Variants in DMPK observed in about 807,000 individuals in gnomAD.
DMPK encodes DM1 protein kinase.
A neutral mutation model predicts 70.3 loss-of-function variants in DMPK; 32 were observed. The observed-to-expected ratio is 0.46, with a 90% CI of 0.34 to 0.61. The LOEUF is 0.61. DMPK is among the 20% of genes least tolerant of loss of function. The pLI, the probability that DMPK is intolerant of heterozygous loss-of-function variation, is 0.01. For missense variants in DMPK, 899 were observed against 886.0 expected (o/e 1.01, Z -0.19); for synonymous variants, 469 against 390.9 (o/e 1.20, Z -2.36).
intron 1 of DMPK, chr19:45,780,185 G>C: frequency 1.4e-6 from 2 of 1,448,818 alleles, no homozygotes; most frequent in Non-Finnish European, 1.8e-6. Flanking sequence ...AGAACAAGGG[G>C]AGAAGGAAAT....
At chr19:45,772,016 T>G in intron 10 of DMPK, 88 bp from the exon 11 acceptor site, 2 of 1,438,360 alleles carry the variant, frequency 1.4e-6, no homozygotes, top group Non-Finnish European at 1.8e-6. Context: ...AATCCTTGTT[T>G]ATCCCCTACT....
rs554723850 is a variant in DMPK at position 45,771,813 on chromosome 19, C to T, written c.1460G>A (p.Arg487Gln). The T allele has an allele frequency of 5.1e-6, 8 of 1,569,144 alleles. 1 individual carries two copies. The African/African-American group carries it at 6.8e-5, about 13-fold the overall frequency. The change falls in exon 11 of 15, where the codon CGG becomes CAG. Residue 487 changes from arginine (R) to glutamine (Q), a missense_variant. Coordinates refer to ENST00000291270, the MANE Select transcript of DMPK (RefSeq NM_004409.5). ...EEVLTRQSLS[R>Q]EMEAIRTDNQ... ...GTCCGTGCGGATGGCCTCCATCTCC[C>T]GGCTCAGGCTCTGCCGGGTGAGCAC...
At chr19:45,770,689 T>A in intron 14 of DMPK, 49 bp from the exon 15 acceptor site, 1 of 1,535,022 alleles carries the variant, frequency 6.5e-7, no homozygotes, top group Non-Finnish European at 8.8e-7. Context: ...TCTGATTGGC[T>A]CCTGGGACTC....
intron 14 of DMPK, 129 bp downstream of exon 14, chr19:45,770,842 G>A: frequency 2.0e-6 from 2 of 975,892 alleles, no homozygotes; most frequent in Admixed American, 3.0e-5. Flanking sequence ...GGCCTGTGTT[G>A]ATTGGCTGCC....
At position 45,769,910 on chromosome 19, in the gene DMPK, A is replaced by T. The variant is rs1456041702; in HGVS notation, c.*578T>A. On this transcript the variant is annotated 3_prime_UTR_variant, in exon 15 of 15. Transcript: ENST00000291270. ...ATATCCAAACCGCCGAAGCGGGCGG[A>T]GCCGGCTGGGGCTCCGAGAGCAGCG... 7.1e-6 allele frequency: 2 copies of T among 280,074 alleles called. No homozygotes were observed. The highest frequency in any genetic ancestry group is 1.4e-5 in the Non-Finnish European group (2 of 143,814). 17.3% of individuals were successfully genotyped at this position (280,074 alleles called of 1,614,324 possible). A position where few individuals can be genotyped will look rare whatever the true frequency, so the allele number is the denominator to read the frequency against.
chr19:45,779,986 G>A, intron 1 of DMPK, 117 bp from the exon 2 acceptor site: 1 of 1,566,744 alleles, frequency 6.4e-7, no homozygotes, highest in Non-Finnish European at 8.7e-7. Flanking sequence ...CTTCACCCTA[G>A]GACTGTCTGC....
Position 45,770,457 on chromosome 19 carries a change from G to A in DMPK, c.*31C>T, listed in dbSNP as rs1401621999. ...TGCCCCGGGCACTCAGTCTTCCAAC[G>A]GGGCCCCGGAGTCGAAGACAGTTCT... On this transcript the variant is annotated 3_prime_UTR_variant, in exon 15 of 15. Transcript: ENST00000291270. 14 of 1,548,882 alleles carry A rather than the reference G, an allele frequency of 9.0e-6. No individual in the cohort carries two copies. The highest frequency in any genetic ancestry group is 1.2e-5 in the Non-Finnish European group (14 of 1,146,608).
At chr19:45,770,845 T>A in intron 14 of DMPK, 126 bp downstream of exon 14, 1 of 979,250 alleles carries the variant, frequency 1.0e-6, no homozygotes, top group South Asian at 1.7e-5. Context: ...CTGTGTTGAT[T>A]GGCTGCCCGA....
At chr19:45,779,730 G>A in intron 2 of DMPK, 48 bp downstream of exon 2, 1 of 965,296 alleles carries the variant, frequency 1.0e-6, no homozygotes, top group Non-Finnish European at 1.5e-6. Context: ...CAACCCCTAT[G>A]CCCCGCCCAC....
At position 45,770,646 on chromosome 19, in the gene DMPK, G is replaced by C. The variant is rs1472350106; in HGVS notation, c.1738-6C>G. ...GATAGGCCAGGCCTAGGGACCTGCG[G>C]GGAGAGGGCGAGGTCAACACCCGGC... is the stretch of plus-strand genomic sequence containing the variant. On this transcript the variant is annotated splice_polypyrimidine_tract_variant and splice_region_variant and intron_variant, in intron 14 of 14. Transcript: ENST00000291270. 2 of 1,550,550 alleles carry C rather than the reference G, an allele frequency of 1.3e-6. No individual in the cohort carries two copies. Among genetic ancestry groups the C allele is most frequent in the Admixed American group, 2.0e-5 (1 of 51,002 alleles).
Position 45,777,759 on chromosome 19 carries a change from G to A in DMPK, c.790C>T (p.Leu264=). 5.0e-6 allele frequency: 8 copies of A among 1,613,340 alleles called. No homozygotes were observed. The highest frequency in any genetic ancestry group is 6.8e-6 in the Non-Finnish European group (8 of 1,180,018). The stretch of plus-strand genomic sequence containing the variant: ...AACATTTCATAGGCGAATACACCCA[G>A]CGCCCACCAGTCACACTCGGGCCCG... ...SYGPECDWWA[L]GVFAYEMFYG... Residue 264 remains leucine, a synonymous_variant, in exon 7 of 15, where the codon CTG becomes TTG. Transcript: ENST00000291270. The surrounding 1 kb of genome is among the most constrained non-coding windows in gnomAD (Gnocchi z 6.7).
intron 4 of DMPK, chr19:45,778,886 C>T: frequency 1.8e-6 from 1 of 571,160 alleles, no homozygotes; most frequent in Non-Finnish European, 3.1e-6. Context: ...ATTCACTCCC[C>T]CTGAGATGTT....
At chr19:45,781,655 C>T (rs1331370586) in intron 1 of DMPK, among the ~76,000 whole-genome samples, 1 of 152,208 alleles carries the variant, frequency 6.6e-6, no homozygotes, top group Non-Finnish European at 1.5e-5. Context: ...AGCTGGTTCT[C>T]CCACAGGGCC....
At chr19:45,779,560 G>A in intron 2 of DMPK, 38 bp from the exon 3 acceptor site, 1 of 1,611,648 alleles carries the variant, frequency 6.2e-7, no homozygotes, top group Non-Finnish European at 8.5e-7. Context: ...GAGACGGCGG[G>A]AAAACAAAAG....
Position 45,772,692 on chromosome 19 carries a change from T to A in DMPK, c.1293A>T (p.Pro431=). ...GCTCCAGGCTGGGCGCTTGCACGTG[T>A]GGCTCAAGCAGCTGCTCGGCCTCCA... is the stretch of plus-strand genomic sequence containing the variant. The part of the protein sequence containing the change: ...MELEAEQLLE[P]HVQAPSLEPS... The change falls in exon 10 of 15, where the codon CCA becomes CCT. Residue 431 remains proline (P), a synonymous_variant. Coordinates refer to ENST00000291270, the MANE Select transcript of DMPK (RefSeq NM_004409.5). The A allele has an allele frequency of 6.5e-7, 1 of 1,527,442 alleles. No individual in the cohort carries two copies. The highest frequency in any genetic ancestry group is 1.3e-5 in the South Asian group (1 of 76,454). The allele number at this position is 1,527,442 out of a possible 1,614,324, so 94.6% of individuals were successfully genotyped here. A position where few individuals can be genotyped will look rare whatever the true frequency, so the allele number is the denominator to read the frequency against.
chr19:45,771,953 G>C, intron 10 of DMPK, 25 bp from the exon 11 acceptor site: 1 of 1,540,046 alleles, frequency 6.5e-7, no homozygotes, highest in Non-Finnish European at 8.8e-7. Flanking sequence ...CAGGCTTAAG[G>C]CTGCCTGTGG....
In DMPK at chr19:45,769,801, C is replaced by G. The variant is rs1969213300; in HGVS notation, c.*687G>C. On this transcript the variant is annotated 3_prime_UTR_variant, in exon 15 of 15. Coordinates refer to ENST00000291270, the MANE Select transcript of DMPK (RefSeq NM_004409.5). ...ACAGACAATAAATACCGAGGAATGT[C>G]GGGGTCTCAGTGCATCCAAAACGTG... 1 of 206,740 alleles carries G rather than the reference C, an allele frequency of 4.8e-6. No homozygotes were observed. The highest frequency in any genetic ancestry group is 7.1e-5 in the South Asian group (1 of 14,174). The allele number at this position is 206,740 out of a possible 1,614,324, so 12.8% of individuals were successfully genotyped here.
chr19:45,779,030 A>G (rs1038579169), intron 4 of DMPK: 2 of 592,556 alleles, frequency 3.4e-6, no homozygotes, highest in African/African-American at 1.9e-5. Context: ...CAACAGAGAC[A>G]TCTTTATAAG....
rs1969342098 is a variant in DMPK at position 45,770,648 on chromosome 19, G to GA, written c.1738-9dup. On this transcript the variant is annotated splice_polypyrimidine_tract_variant and intron_variant, in intron 14 of 14. Coordinates refer to ENST00000291270, the MANE Select transcript of DMPK (RefSeq NM_004409.5). ...TAGGCCAGGCCTAGGGACCTGCGGG[G>GA]AGAGGGCGAGGTCAACACCCGGCAT... The GA allele has an allele frequency of 7.1e-6, 11 of 1,550,324 alleles. No individual in the cohort carries two copies. The highest frequency in any genetic ancestry group is 8.7e-6 in the Non-Finnish European group (10 of 1,146,892).
Sources: gnomAD v4.1 joint callset for allele counts (sites outside exome capture counted in the v4.1 genomes callset) on GRCh38, gnomAD v4.1.1 for gene constraint, Gnocchi (gnomAD v3.1) non-coding constraint, MANE v1.5 for transcripts, NCBI Gene and HGNC (gene_info 2026-07-23, HGNC 2026-07-21) for gene names.